The following B3GNT5 variants were observed in gnomAD, a reference collection of about 807,000 sequenced individuals.
B3GNT5 encodes the protein lactosylceramide 1,3-N-acetyl-beta-D-glucosaminyltransferase.
Under a neutral mutation model 25.9 loss-of-function variants are expected in B3GNT5, and 11 were observed. That is an observed-to-expected ratio of 0.42 (90% CI 0.27 to 0.70). B3GNT5 has a LOEUF of 0.70. Ranked by LOEUF, B3GNT5 falls within the 30% of genes least tolerant of loss-of-function variation. The pLI is 0.23. For synonymous variants in B3GNT5, 166 were observed against 158.6 expected, an observed-to-expected ratio of 1.05 and a Z score of -0.35; for missense variants, 385 against 458.4, an observed-to-expected ratio of 0.84 and a Z score of 1.46.
intron 1 of B3GNT5, 132 bp from the exon 2 acceptor site, chr3:183,269,366 A>C (rs1726507930): frequency 6.3e-6 from 1 of 158,488 alleles, no homozygotes; most frequent in Non-Finnish European, 1.4e-5. Context: ...TCTGCTAAGT[A>C]CTAACTACCT....
intron 1 of B3GNT5, among the ~76,000 whole-genome samples, chr3:183,258,046 C>T (rs1271785744): frequency 6.7e-6 from 1 of 148,318 alleles, no homozygotes; most frequent in African/African-American, 2.5e-5. Flanking sequence ...CGGCTCACCG[C>T]AACCTCCGCC....
chr3:183,254,711 G>C (rs1212486199), intron 1 of B3GNT5: 1 of 152,236 alleles, frequency 6.6e-6, no homozygotes, highest in Non-Finnish European at 1.5e-5. Flanking sequence ...AATTCGAGTC[G>C]AAAGCCCGTG....
Position 183,271,495 on chromosome 3 carries a change from C to A in B3GNT5, c.*560C>A, listed in dbSNP as rs1223438819. The A allele has an allele frequency of 1.2e-5, 2 of 167,040 alleles. No homozygotes were observed. Among genetic ancestry groups the A allele is most frequent in the African/African-American group, 4.8e-5 (2 of 41,454 alleles). 10.3% of individuals were successfully genotyped at this position (167,040 alleles called of 1,614,324 possible). ...AATGTTATTATAAACAGACAAATCA[C>A]GTCTTACCACATCCATGTAGCTACT... is the stretch of plus-strand genomic sequence containing the variant. On this transcript the variant is annotated 3_prime_UTR_variant, in exon 2 of 2. Transcript: ENST00000326505.
chr3:183,264,077 TG>T (rs112365999), intron 1 of B3GNT5, among the ~76,000 whole-genome samples: 2,602 of 152,254 alleles, frequency 0.017, 88 homozygotes, highest in African/African-American at 0.06. Flanking sequence ...TAATAAATAC[TG>T]AGCAAGGGAG....
rs1244069131 is a variant in B3GNT5 at position 183,267,038 on chromosome 3, G to A, written c.-301-2460G>A. 1.3e-5 allele frequency among the ~76,000 whole-genome samples: 2 copies of A among 151,994 alleles called. No homozygotes were observed. Among genetic ancestry groups the A allele is most frequent in the Admixed American group, 6.6e-5 (1 of 15,256 alleles). On this transcript the variant is annotated intron_variant, in intron 1 of 1. Transcript: ENST00000326505. The surrounding 1 kb of genome is among the most constrained non-coding windows in gnomAD (Gnocchi z 5.5). Reference sequence around the variant, plus strand: ...TGACCTCAAGTGATCCTCCTGCCTCGGCCTCCCAAAGCGCTAGGATTACAG... The same window carrying A: ...TGACCTCAAGTGATCCTCCTGCCTCAGCCTCCCAAAGCGCTAGGATTACAG...
rs962348539 is a variant in B3GNT5, at chr3:183,267,671, G to C, written c.-301-1827G>C. 3.3e-5 allele frequency among the ~76,000 whole-genome samples: 5 copies of C among 152,260 alleles called. No homozygotes were observed. The highest frequency in any genetic ancestry group is 7.3e-5 in the Non-Finnish European group (5 of 68,050). Reference sequence around the variant, plus strand: ...ACTAATGTACCACCCCCGAGGAAGAGAGCCTACCTTTCCATCCAAGGAAGT... The same window carrying C: ...ACTAATGTACCACCCCCGAGGAAGACAGCCTACCTTTCCATCCAAGGAAGT... On this transcript the variant is annotated intron_variant, in intron 1 of 1. Transcript: ENST00000326505. The surrounding 1 kb of genome is among the most constrained non-coding windows in gnomAD (Gnocchi z 5.5).
intron 1 of B3GNT5, among the ~76,000 whole-genome samples, chr3:183,261,403 CTTTAG>C (rs1443883263): frequency 6.6e-6 from 1 of 152,102 alleles, no homozygotes; most frequent in East Asian, 1.9e-4. Context: ...TCTTTCTTTC[CTTTAG>C]TTATGTGTGG....
rs147764010 is a variant in B3GNT5, at chr3:183,255,385, T to G, written c.-302+1913T>G. On this transcript the variant is annotated intron_variant, in intron 1 of 1. Coordinates refer to ENST00000326505, the MANE Select transcript of B3GNT5 (RefSeq NM_032047.5). ...GAAAGCTGCTTTTTGGGGCCAACTC[T>G]TTGCTTTTAAAGCAAGCTAAACGCA... Among the ~76,000 whole-genome samples, 3 of 152,254 alleles carry G rather than the reference T, an allele frequency of 2.0e-5. No homozygotes were observed. The East Asian group carries it at 5.8e-4, about 29-fold the overall frequency.
Position 183,273,199 on chromosome 3 carries a change from G to GAT in B3GNT5, c.*2265_*2266dup, listed in dbSNP as rs948134269. On this transcript the variant is annotated 3_prime_UTR_variant, in exon 2 of 2. Coordinates refer to ENST00000326505, the MANE Select transcript of B3GNT5 (RefSeq NM_032047.5). ...AGCTTGGATGGTCACTTGAATAGAA[G>GAT]ATGGTTATACACAGTGTTATTGTTA... 6.5e-6 allele frequency: 3 copies of GAT among 463,556 alleles called. No homozygotes were observed. 28.7% of individuals were successfully genotyped at this position (463,556 alleles called of 1,614,324 possible).
At chr3:183,254,841 G>C (rs886475967) in intron 1 of B3GNT5, 2 of 152,250 alleles carry the variant, frequency 1.3e-5, no homozygotes, top group African/African-American at 4.8e-5. Context: ...CCCTGGCGGG[G>C]AGGTCGTGGC....
At chr3:183,266,966 TTA>T (rs1726203411) in intron 1 of B3GNT5, among the ~76,000 whole-genome samples, 1 of 152,040 alleles carries the variant, frequency 6.6e-6, no homozygotes, top group South Asian at 2.1e-4. Context: ...TTTGAATTTT[TTA>T]TAGAGATGGG....
In B3GNT5 at chr3:183,269,921, C is replaced by T; in HGVS notation, c.123C>T (p.Ser41=). ...FWEPIDNHIV[S]HMKSYSYRYL... ...AACCAATCGATAATCACATTGTGAGCCATATGAAGTCATATTCTTACAGAT... is the reference window on the plus strand; with the variant it reads ...AACCAATCGATAATCACATTGTGAGTCATATGAAGTCATATTCTTACAGAT... The change falls in exon 2 of 2, where the codon AGC becomes AGT. Residue 41 remains serine (S), a synonymous_variant. Transcript: ENST00000326505. 6.2e-7 allele frequency: 1 copy of T among 1,614,052 alleles called. No individual in the cohort carries two copies.
At position 183,270,566 on chromosome 3, in the gene B3GNT5, T is replaced by G. The variant is rs761087698; in HGVS notation, c.768T>G (p.Ala256=). 7 of 1,614,098 alleles carry G rather than the reference T, an allele frequency of 4.3e-6. No individual in the cohort carries two copies. The highest frequency in any genetic ancestry group is 8.5e-7 in the Non-Finnish European group (1 of 1,180,046). The change falls in exon 2 of 2, where the codon GCT becomes GCG. Residue 256 remains alanine (A), a synonymous_variant. Coordinates refer to ENST00000326505, the MANE Select transcript of B3GNT5 (RefSeq NM_032047.5). This position sits in a 1 kb window ranked among gnomAD's most constrained non-coding sequence, Gnocchi z 4.5. ...CTTACCCTGACTACACAGCCGGAGC[T>G]GCCTATGTAATCTCCGGTGATGTAG... ...WPAYPDYTAG[A]AYVISGDVAA...
At position 183,269,821 on chromosome 3, in the gene B3GNT5, G is replaced by A. The variant is rs548655785; in HGVS notation, c.23G>A (p.Arg8Lys). 6.2e-7 allele frequency: 1 copy of A among 1,609,564 alleles called. No individual in the cohort carries two copies. The highest frequency in any genetic ancestry group is 1.7e-5 in the Admixed American group (1 of 59,688). Residue 8 changes from arginine (R) to lysine (K), a missense_variant, in exon 2 of 2, where the codon AGA becomes AAA. Transcript: ENST00000326505. MRMLVSG[R>K]RVKKWQLIIQ... The stretch of plus-strand genomic sequence containing the variant: ...GATATGAGAATGTTGGTTAGTGGCA[G>A]AAGAGTCAAAAAATGGCAGTTAATT...
chr3:183,270,759 A>G lies in B3GNT5; in HGVS notation c.961A>G (p.Thr321Ala). Residue 321 changes from threonine (T) to alanine (A), a missense_variant, in exon 2 of 2, where the codon ACA becomes GCA. By Grantham distance (58) the Thr-to-Ala change is moderately conservative (BLOSUM62 0). Transcript: ENST00000326505. This position sits in a 1 kb window ranked among gnomAD's most constrained non-coding sequence, Gnocchi z 4.5. Reference protein sequence around the residue: ...YHPCIYEKMMTSHGHLEDLQD... With the variant: ...YHPCIYEKMMASHGHLEDLQD... Reference sequence around the variant, plus strand: ...TCCCTGCATCTATGAAAAAATGATGACATCTCATGGACACTTAGAAGATCT... The same window carrying G: ...TCCCTGCATCTATGAAAAAATGATGGCATCTCATGGACACTTAGAAGATCT... 1.2e-6 allele frequency: 2 copies of G among 1,613,718 alleles called. No individual in the cohort carries two copies. Among genetic ancestry groups the G allele is most frequent in the Non-Finnish European group, 1.7e-6 (2 of 1,179,902 alleles).
In B3GNT5 at chr3:183,270,008, G is replaced by C. The variant is rs1289005807; in HGVS notation, c.210G>C (p.Gly70=). The C allele has an allele frequency of 8.1e-6, 13 of 1,614,086 alleles. No homozygotes were observed. The highest frequency in any genetic ancestry group is 1.1e-5 in the Non-Finnish European group (13 of 1,180,014). The change falls in exon 2 of 2, where the codon GGG becomes GGC. Residue 70 remains glycine, a synonymous_variant. Transcript: ENST00000326505. This position sits in a 1 kb window ranked among gnomAD's most constrained non-coding sequence, Gnocchi z 4.5. ...DTLSLKHTSA[G]PRYQYLINHK... Reference sequence around the variant, plus strand: ...TGTCTCTTAAGCACACCTCAGCGGGGCCTCGCTACCAATACTTGATTAACC... The same window carrying C: ...TGTCTCTTAAGCACACCTCAGCGGGCCCTCGCTACCAATACTTGATTAACC...
In B3GNT5 at chr3:183,272,109, G is replaced by GTGAT. The variant is rs1338153133; in HGVS notation, c.*1175_*1178dup. The GTGAT allele has an allele frequency of 4.1e-6, 4 of 983,564 alleles. No homozygotes were observed. Among genetic ancestry groups the GTGAT allele is most frequent in the Non-Finnish European group, 4.9e-6 (4 of 814,958 alleles). The allele number at this position is 983,564 out of a possible 1,614,324, so 60.9% of individuals were successfully genotyped here. On this transcript the variant is annotated 3_prime_UTR_variant, in exon 2 of 2. Coordinates refer to ENST00000326505, the MANE Select transcript of B3GNT5 (RefSeq NM_032047.5). Reference sequence around the variant, plus strand: ...TCAAACTTGAAAACAGAGTAAAAAAGTGATAGAAAAGTTGCCAGTTTGGGG... The same window carrying GTGAT: ...TCAAACTTGAAAACAGAGTAAAAAAGTGATTGATAGAAAAGTTGCCAGTTTGGGG...
Position 183,269,713 on chromosome 3 carries a change from A to C in B3GNT5, c.-86A>C, listed in dbSNP as rs1270197043. On this transcript the variant is annotated 5_prime_UTR_variant, in exon 2 of 2. Transcript: ENST00000326505. ...CCAACATGTATTAAGATGGACACCT[A>C]CTCTACGAAACACGAAGTTCTATGG... The C allele has an allele frequency of 1.6e-6, 2 of 1,221,312 alleles. No homozygotes were observed. The highest frequency in any genetic ancestry group is 2.3e-6 in the Non-Finnish European group (2 of 868,988). The allele number at this position is 1,221,312 out of a possible 1,614,324, so 75.7% of individuals were successfully genotyped here. A position where few individuals can be genotyped will look rare whatever the true frequency, so the allele number is the denominator to read the frequency against.
In B3GNT5 at chr3:183,272,392, A is replaced by T; in HGVS notation, c.*1457A>T. 4 of 1,000,314 alleles carry T rather than the reference A, an allele frequency of 4.0e-6. No individual in the cohort carries two copies. The highest frequency in any genetic ancestry group is 3.6e-6 in the Non-Finnish European group (3 of 830,004). 62.0% of individuals were successfully genotyped at this position (1,000,314 alleles called of 1,614,324 possible). ...AGAGGCACCTGTTAGGGAAAATCAG[A>T]TGTCTCATATAATAAGGTGATGTCG... is the stretch of plus-strand genomic sequence containing the variant. On this transcript the variant is annotated 3_prime_UTR_variant, in exon 2 of 2. Transcript: ENST00000326505.
Sources: allele counts gnomAD v4.1 joint callset (sites outside exome capture counted in the v4.1 genomes callset), GRCh38; gene constraint gnomAD v4.1.1; non-coding constraint Gnocchi (gnomAD v3.1); transcripts MANE v1.5; gene names NCBI Gene and HGNC (gene_info 2026-07-23, HGNC 2026-07-21).